UNC5CL: variants seen among roughly 807,000 people sequenced by gnomAD.
UNC5CL encodes UNC5C-like protein.
In UNC5CL, 42 loss-of-function variants were observed where a neutral mutation model predicts 54.1. That is an observed-to-expected ratio of 0.78 (90% CI 0.61 to 1.00). The LOEUF is 1.00. UNC5CL is among the 50% of genes least tolerant of loss of function. The pLI, the probability that UNC5CL is intolerant of heterozygous loss-of-function variation, is 0.00. For synonymous variants in UNC5CL, 285 were observed against 285.1 expected (o/e 1.00, Z 0.00); for missense variants, 619 against 675.6 (o/e 0.92, Z 0.93).
Position 41,027,609 on chromosome 6 carries a change from A to C in UNC5CL, c.*764T>G, listed in dbSNP as rs1440593105. The C allele has an allele frequency of 6.6e-6, 1 of 152,248 alleles. No homozygotes were observed. Among genetic ancestry groups the C allele is most frequent in the East Asian group, 1.9e-4 (1 of 5,190 alleles). The allele number at this position is 152,248 out of a possible 1,614,324, so 9.4% of individuals were successfully genotyped here. On this transcript the variant is annotated 3_prime_UTR_variant, in exon 9 of 9. Coordinates refer to ENST00000244565, the MANE Select transcript of UNC5CL (RefSeq NM_173561.3). ...AGCAGGAGGATAAAGAGACAAAGGAAGTTAGTAGAGGCAGAGGCAGCCAGC... is the reference window on the plus strand; with the variant it reads ...AGCAGGAGGATAAAGAGACAAAGGACGTTAGTAGAGGCAGAGGCAGCCAGC...
At chr6:41,037,177 T>C (rs1053707343) in intron 1 of UNC5CL, among the ~76,000 whole-genome samples, 6 of 152,228 alleles carry the variant, frequency 3.9e-5, no homozygotes, top group Non-Finnish European at 8.8e-5. Context: ...CATCCCACCA[T>C]ACTGAGTCAC....
At chr6:41,033,780 C>T in intron 3 of UNC5CL, 101 bp downstream of exon 3, 1 of 1,345,904 alleles carries the variant, frequency 7.4e-7, no homozygotes, top group South Asian at 1.4e-5. Context: ...AGACCATCTT[C>T]TATACAGAGA....
intron 8 of UNC5CL, 22 bp downstream of exon 8, chr6:41,030,366 C>T (rs1762438275): frequency 1.1e-5 from 17 of 1,612,692 alleles, no homozygotes; most frequent in Non-Finnish European, 1.4e-5. Context: ...CTACCATCCA[C>T]AGACCTCACC....
intron 1 of UNC5CL, 141 bp downstream of exon 1, chr6:41,039,021 T>C (rs1180986213): frequency 1.3e-5 from 2 of 151,582 alleles, no homozygotes; most frequent in Non-Finnish European, 2.9e-5. Flanking sequence ...CCAAGTCCCA[T>C]TTTCCTCCCC....
chr6:41,032,266 C>G (rs2114007881), intron 4 of UNC5CL, 129 bp from the exon 5 acceptor site: 1 of 758,314 alleles, frequency 1.3e-6, no homozygotes, highest in African/African-American at 1.7e-5. Flanking sequence ...ATCCCCAGAG[C>G]CTGGGCTGGG....
chr6:41,032,297 C>T (rs1309215337), intron 4 of UNC5CL, among the ~76,000 whole-genome samples, 160 bp from the exon 5 acceptor site: 2 of 152,230 alleles, frequency 1.3e-5, no homozygotes, highest in Non-Finnish European at 2.9e-5. Context: ...GGCCCTTGCA[C>T]TATAAAAGCC....
At chr6:41,033,332 C>G (rs1762478810) in intron 3 of UNC5CL, among the ~76,000 whole-genome samples, 186 bp from the exon 4 acceptor site, 1 of 152,158 alleles carries the variant, frequency 6.6e-6, no homozygotes, top group African/African-American at 2.4e-5. Flanking sequence ...GTCACAGTGA[C>G]TGGTGACTGA....
rs759371822 is a variant in UNC5CL, at chr6:41,034,981, G to A, written c.94C>T (p.Arg32Ter). 6.2e-6 allele frequency: 10 copies of A among 1,610,258 alleles called. No homozygotes were observed. The highest frequency in any genetic ancestry group is 5.3e-5 in the African/African-American group (4 of 74,856). The change falls in exon 2 of 9, where the codon CGA becomes TGA. Residue 32 changes from arginine (R) to a stop codon, truncating the protein, a stop_gained. Coordinates refer to ENST00000244565, the MANE Select transcript of UNC5CL (RefSeq NM_173561.3). LOFTEE classifies it high-confidence loss of function. ...AGCAGCCTTCTAGGGCAGTGCCATC[G>A]AAGGCATTGGGCCAGAAGGAGGACA... ...ASVLLLAQCLRWHCPRRLLGA... is the reference protein window; with the variant it reads ...ASVLLLAQCL
Position 41,032,921 on chromosome 6 carries a change from C to T in UNC5CL, c.912G>A (p.Arg304=), listed in dbSNP as rs754514344. 2 of 1,605,778 alleles carry T rather than the reference C, an allele frequency of 1.2e-6. No individual in the cohort carries two copies. Among genetic ancestry groups the T allele is most frequent in the Non-Finnish European group, 1.7e-6 (2 of 1,176,152 alleles). The change falls in exon 4 of 9, where the codon AGG becomes AGA. Residue 304 remains arginine, a synonymous_variant. Transcript: ENST00000244565. ...PCQLFDFNGA[R]GDQCLKLTYI... is the part of the protein sequence containing the mutation. ...ACGTGAGCTTCAGGCACTGGTCGCC[C>T]CTAGCCCCATTGAAGTCGAAGAGCT...
intron 1 of UNC5CL, among the ~76,000 whole-genome samples, chr6:41,036,210 T>C (rs1762522333): frequency 6.6e-6 from 1 of 152,252 alleles, no homozygotes; most frequent in Non-Finnish European, 1.5e-5. Context: ...ATATTCAAAA[T>C]GTTATTTCAA....
rs1049667734 is a variant in UNC5CL, at chr6:41,028,372, C to T, written c.*1G>A. On this transcript the variant is annotated 3_prime_UTR_variant, in exon 9 of 9. Coordinates refer to ENST00000244565, the MANE Select transcript of UNC5CL (RefSeq NM_173561.3). The surrounding 1 kb of genome is among the most constrained non-coding windows in gnomAD (Gnocchi z 4.3). ...CTCCTCCGGCCCTGCCCGCTGGGCGCTCAGAGCTTCTCGTCCAGCTCCAGG... is the reference window on the plus strand; with the variant it reads ...CTCCTCCGGCCCTGCCCGCTGGGCGTTCAGAGCTTCTCGTCCAGCTCCAGG... The T allele has an allele frequency of 3.8e-6, 6 of 1,572,446 alleles. No homozygotes were observed. The African/African-American group carries it at 6.7e-5, about 18-fold the overall frequency.
Position 41,027,673 on chromosome 6 carries a change from C to T in UNC5CL, c.*700G>A, listed in dbSNP as rs753211370. Reference sequence around the variant, plus strand: ...CCGGGAAGCCTGGTCCTACCCCGGCCTCACACCCACGGGGATGGGCTCCCA... The same window carrying T: ...CCGGGAAGCCTGGTCCTACCCCGGCTTCACACCCACGGGGATGGGCTCCCA... On this transcript the variant is annotated 3_prime_UTR_variant, in exon 9 of 9. Coordinates refer to ENST00000244565, the MANE Select transcript of UNC5CL (RefSeq NM_173561.3). 6.6e-6 allele frequency: 1 copy of T among 152,250 alleles called. No homozygotes were observed. Among genetic ancestry groups the T allele is most frequent in the African/African-American group, 2.4e-5 (1 of 41,440 alleles). 9.4% of individuals were successfully genotyped at this position (152,250 alleles called of 1,614,324 possible).
intron 8 of UNC5CL, among the ~76,000 whole-genome samples, chr6:41,030,017 T>C (rs1010597069): frequency 6.6e-6 from 1 of 152,300 alleles, no homozygotes; most frequent in Non-Finnish European, 1.5e-5. Flanking sequence ...GTCACCATTA[T>C]TGATAACATT....
chr6:41,030,460 T>A lies in UNC5CL; in HGVS notation c.1262A>T (p.Glu421Val). ...GTCATTGCCGGTGATGCTGTTTGGC[T>A]CCAATAACATCCGCAGCTGCTCAAA... ...ELFEQLRMLL[E>V]PNSITGNDWR... The change falls in exon 8 of 9, where the codon GAG becomes GTG. Residue 421 changes from glutamate to valine, a missense_variant. Transcript: ENST00000244565. 6.2e-7 allele frequency: 1 copy of A among 1,614,150 alleles called. No individual in the cohort carries two copies. The highest frequency in any genetic ancestry group is 2.2e-5 in the East Asian group (1 of 44,880).
intron 8 of UNC5CL, 94 bp downstream of exon 8, chr6:41,030,294 T>G (rs1476833710): frequency 8.2e-7 from 1 of 1,216,270 alleles, no homozygotes; most frequent in African/African-American, 1.5e-5. Context: ...TTTAAGTCAC[T>G]CCCTTGCCTG....
chr6:41,031,786 G>A (rs775056207), intron 5 of UNC5CL, 38 bp from the exon 6 acceptor site: 7 of 1,604,604 alleles, frequency 4.4e-6, no homozygotes, highest in Non-Finnish European at 6.0e-6. Context: ...AGTGAGTGAG[G>A]AAACGGCCTG....
intron 6 of UNC5CL, 83 bp from the exon 7 acceptor site, chr6:41,030,838 CTCA>C: frequency 8.2e-7 from 1 of 1,224,732 alleles, no homozygotes; most frequent in African/African-American, 1.5e-5. Context: ...ACCTCCATTC[CTCA>C]TGTCTCTCCT....
At chr6:41,038,123 T>C (rs1219242495) in intron 1 of UNC5CL, among the ~76,000 whole-genome samples, 1 of 152,196 alleles carries the variant, frequency 6.6e-6, no homozygotes, top group Non-Finnish European at 1.5e-5. Flanking sequence ...TCTCCACCCC[T>C]TCTTTTCCCC....
At chr6:41,035,631 C>G (rs1264498344) in intron 1 of UNC5CL, among the ~76,000 whole-genome samples, 1 of 152,206 alleles carries the variant, frequency 6.6e-6, no homozygotes, top group East Asian at 1.9e-4. Context: ...GCATTTCTGC[C>G]ATCATATTTA....
Sources: gnomAD v4.1 joint callset for allele counts (sites outside exome capture counted in the v4.1 genomes callset) on GRCh38, gnomAD v4.1.1 for gene constraint, Gnocchi (gnomAD v3.1) non-coding constraint, MANE v1.5 for transcripts, NCBI Gene and HGNC (gene_info 2026-07-23, HGNC 2026-07-21) for gene names.